The following POLQ variants were observed in gnomAD, a reference collection of about 807,000 sequenced individuals.
POLQ encodes DNA polymerase theta.
A neutral mutation model predicts 259.2 loss-of-function variants in POLQ; 233 were observed. The ratio of observed to expected loss-of-function variants is 0.90; its 90% CI spans 0.81 to 1.00. The LOEUF is 1.00. POLQ is among the 50% of genes least tolerant of loss of function. POLQ has a pLI of 0.00. For missense variants in POLQ, 2,871 were observed against 3,051.6 expected (o/e 0.94, Z 1.39); for synonymous variants, 1,025 against 1,048.8 (o/e 0.98, Z 0.44).
chr3:121,545,825 T>G lies in POLQ; in HGVS notation c.53A>C (p.Asp18Ala). ...GTCACCGCCGCTTCCCGAGAACGAA[T>G]CTGAGCCTGATTCTGAACGCCGCCG... The part of the protein sequence containing the change: ...GKRRRSESGS[D>A]SFSGSGGDSS... The change falls in exon 1 of 30, where the codon GAT (aspartate) becomes GCT (alanine). Residue 18 changes from aspartate to alanine, a missense_variant. Coordinates refer to ENST00000264233, the MANE Select transcript of POLQ (RefSeq NM_199420.4). 1.2e-6 allele frequency: 2 copies of G among 1,613,878 alleles called. No homozygotes were observed. Among genetic ancestry groups the G allele is most frequent in the East Asian group, 4.5e-5 (2 of 44,874 alleles).
intron 25 of POLQ, among the ~76,000 whole-genome samples, chr3:121,454,615 A>G (rs1461373444): frequency 2.0e-5 from 3 of 152,222 alleles, no homozygotes; most frequent in African/African-American, 4.8e-5. Context: ...TTAAACCAAC[A>G]AAGATCAAAA....
chr3:121,439,231 T>C lies in POLQ; in HGVS notation c.7389+761A>G, dbSNP rs868315897. Among the ~76,000 whole-genome samples the C allele has an allele frequency of 3.5e-3, 510 of 146,138 alleles. 12 individuals carry two copies. In the East Asian group the frequency reaches 0.057, roughly 16 times the overall value. The stretch of plus-strand genomic sequence containing the variant: ...ATAATCTCTGATGAGATAGTGCCTT[T>C]TTTTTTTTTTTTAATTAAACATAGG... On this transcript the variant is annotated intron_variant, in intron 27 of 29. Coordinates refer to ENST00000264233, the MANE Select transcript of POLQ (RefSeq NM_199420.4).
In POLQ at chr3:121,488,717, T is replaced by C; in HGVS notation, c.4214A>G (p.His1405Arg). 1.2e-6 allele frequency: 2 copies of C among 1,614,004 alleles called. No individual in the cohort carries two copies. The highest frequency in any genetic ancestry group is 1.7e-6 in the Non-Finnish European group (2 of 1,179,914). The change falls in exon 16 of 30, where the codon CAT becomes CGT. Residue 1405 changes from histidine to arginine, a missense_variant. Physicochemically the swap from His to Arg is conservative, Grantham distance 29. This residue lies in a region of POLQ where 2,080 missense variants were observed against 2,126.0 expected (regional missense o/e 0.98). Coordinates refer to ENST00000264233, the MANE Select transcript of POLQ (RefSeq NM_199420.4). Reference protein sequence around the residue: ...VGTMKQSSDSHGVDILTPESP... With the variant: ...VGTMKQSSDSRGVDILTPESP... ...TTCTGGAGTCAGGATATCAACCCCA[T>C]GTGAATCACTGCTTTGTTTCATAGT...
chr3:121,467,898 T>C (rs2047851762), intron 23 of POLQ, among the ~76,000 whole-genome samples: 1 of 152,112 alleles, frequency 6.6e-6, no homozygotes, highest in South Asian at 2.1e-4. Context: ...CTAGGCATGG[T>C]GGCACACGCC....
In POLQ at chr3:121,491,067, A is replaced by T. The variant is rs1049362690; in HGVS notation, c.2523-659T>A. On this transcript the variant is annotated intron_variant, in intron 15 of 29. Transcript: ENST00000264233. ...CCCTGTCTCATTAAAAAAATTTTTT[A>T]AAAGGCTGTGCGCAGTGGCTCATGC... is the stretch of plus-strand genomic sequence containing the variant. Among the ~76,000 whole-genome samples, 3 of 152,012 alleles carry T rather than the reference A, an allele frequency of 2.0e-5. No individual in the cohort carries two copies. The East Asian group carries it at 5.8e-4, about 29-fold the overall frequency.
intron 9 of POLQ, among the ~76,000 whole-genome samples, 196 bp downstream of exon 9, chr3:121,519,675 C>CAAAAAA (rs959037678): frequency 1.7e-5 from 1 of 59,790 alleles, no homozygotes; most frequent in Non-Finnish European, 3.4e-5. Flanking sequence ...GACTCCGTCT[C>CAAAAAA]AAAAAAAAAA....
chr3:121,535,154 T>C (rs2048441264), intron 5 of POLQ, among the ~76,000 whole-genome samples: 1 of 152,162 alleles, frequency 6.6e-6, no homozygotes, highest in African/African-American at 2.4e-5. Flanking sequence ...ATGTGTTCAA[T>C]TCTCCCTTAA....
At chr3:121,468,911 A>C (rs2047860662) in intron 22 of POLQ, among the ~76,000 whole-genome samples, 1 of 152,240 alleles carries the variant, frequency 6.6e-6, no homozygotes, top group Non-Finnish European at 1.5e-5. Flanking sequence ...GAAGTACTGA[A>C]TCAGGTGAGA....
intron 28 of POLQ, 25 bp downstream of exon 28, chr3:121,436,074 ACAATTATTCTCATCATGTTACAG>A: frequency 7.0e-7 from 1 of 1,420,218 alleles, no homozygotes; most frequent in South Asian, 1.3e-5. Flanking sequence ...CATTTCTGAT[ACAATTATTCTCATCATGTTACAG>A]CACAGGCCTC....
chr3:121,521,298 A>G (rs769089757), intron 8 of POLQ, among the ~76,000 whole-genome samples: 3 of 152,168 alleles, frequency 2.0e-5, no homozygotes, highest in African/African-American at 7.2e-5. Flanking sequence ...AACATAGTAT[A>G]TAGAGGGTTT....
At position 121,488,699 on chromosome 3, in the gene POLQ, G is replaced by T. The variant is rs569630942; in HGVS notation, c.4232C>A (p.Thr1411Asn). The T allele has an allele frequency of 3.7e-6, 6 of 1,613,466 alleles. No homozygotes were observed. In the African/African-American group the frequency reaches 8.0e-5, roughly 22 times the overall value. ...SSDSHGVDIL[T>N]PESPIFHSPI... ...AGAATGGAAAATCGGGCTTTCTGGA[G>T]TCAGGATATCAACCCCATGTGAATC... Residue 1411 changes from threonine to asparagine, a missense_variant, in exon 16 of 30, where the codon ACT (threonine) becomes AAT (asparagine). By Grantham distance (65) the Thr-to-Asn change is moderately conservative. Around this residue, in one of 3 missense-constraint regions of POLQ, gnomAD observed 2,080 missense variants for 2,126.0 expected, o/e 0.98. Transcript: ENST00000264233.
Position 121,436,262 on chromosome 3 carries a change from G to A in POLQ, c.7403C>T (p.Ala2468Val). 6.2e-7 allele frequency: 1 copy of A among 1,613,710 alleles called. No homozygotes were observed. The highest frequency in any genetic ancestry group is 2.2e-5 in the East Asian group (1 of 44,860). ...TGATCCTTGGACTATTGTGTTGATA[G>A]CTTGACGCTCAGCCTAGAAAAAACA... is the stretch of plus-strand genomic sequence containing the variant. ...PYRKAHAERQ[A>V]INTIVQGSAA... The change falls in exon 28 of 30, where the codon GCT becomes GTT. Residue 2468 changes from alanine (A) to valine (V), a missense_variant. Ala to Val is a moderately conservative substitution (Grantham distance 64). Transcript: ENST00000264233.
In POLQ at chr3:121,436,137, G is replaced by A. The variant is rs371314189; in HGVS notation, c.7528C>T (p.Gln2510Ter). ...KSHGHREGML[Q>*]SDQTGLSRKR... ...ATGAACAAACCTGTTTGGTCACTTT[G>A]GAGCATACCCTCTCGATGACCATGG... The change falls in exon 28 of 30, where the codon CAA becomes TAA. Residue 2510 changes from glutamine to a stop codon, truncating the protein, a stop_gained. Transcript: ENST00000264233. LOFTEE classifies it high-confidence loss of function. The A allele has an allele frequency of 1.9e-6, 3 of 1,613,504 alleles. No individual in the cohort carries two copies. The highest frequency in any genetic ancestry group is 2.2e-5 in the South Asian group (2 of 91,074).
intron 25 of POLQ, among the ~76,000 whole-genome samples, chr3:121,453,226 A>G (rs1016615808): frequency 1.3e-5 from 2 of 152,182 alleles, no homozygotes; most frequent in South Asian, 2.1e-4. Context: ...CATCCACACC[A>G]AAAACCCATC....
chr3:121,433,381 T>C (rs1216839768), intron 28 of POLQ, among the ~76,000 whole-genome samples: 1 of 152,294 alleles, frequency 6.6e-6, no homozygotes, highest in East Asian at 1.9e-4. Flanking sequence ...CAGGGAGGTA[T>C]GGGGCCTGAT....
At chr3:121,453,371 C>A (rs543452911) in intron 25 of POLQ, among the ~76,000 whole-genome samples, 3 of 152,148 alleles carry the variant, frequency 2.0e-5, no homozygotes, top group Admixed American at 6.5e-5. Context: ...TCACCAGCAA[C>A]GGAACAAAGC....
intron 22 of POLQ, among the ~76,000 whole-genome samples, chr3:121,471,406 G>A (rs2047882410): frequency 6.6e-6 from 1 of 152,122 alleles, no homozygotes; most frequent in African/African-American, 2.4e-5. Flanking sequence ...CACATTGAAA[G>A]TACTGTCTCA....
rs572234868 is a variant in POLQ at position 121,487,609 on chromosome 3, A to G, written c.5322T>C (p.Phe1774=). ...NVLQPGESYL[F]GSPSDIKNHD... ...GGTTTTTAATATCTGAAGGTGAGCC[A>G]AATAAATAACTTTCACCAGGTTGTA... The change falls in exon 16 of 30, where the codon TTT becomes TTC. Residue 1774 remains phenylalanine, a synonymous_variant. Transcript: ENST00000264233. 6.2e-7 allele frequency: 1 copy of G among 1,614,058 alleles called. No individual in the cohort carries two copies. The highest frequency in any genetic ancestry group is 1.1e-5 in the South Asian group (1 of 91,070).
intron 24 of POLQ, among the ~76,000 whole-genome samples, chr3:121,464,321 C>T (rs572345615): frequency 6.6e-6 from 1 of 151,976 alleles, no homozygotes; most frequent in East Asian, 1.9e-4. Context: ...CTGGAGGAGC[C>T]CAGGAGTTCC....
Sources: gnomAD v4.1 joint callset for allele counts (sites outside exome capture counted in the v4.1 genomes callset) on GRCh38, gnomAD v4.1.1 for gene constraint, gnomAD v4.1.1 regional missense constraint, MANE v1.5 for transcripts, NCBI Gene and HGNC (gene_info 2026-07-23, HGNC 2026-07-21) for gene names.